PRKG1: variants seen among roughly 807,000 people sequenced by gnomAD.
PRKG1 encodes the protein cGMP-dependent protein kinase 1.
A neutral mutation model predicts 88.1 loss-of-function variants in PRKG1; 35 were observed. The ratio of observed to expected loss-of-function variants is 0.40; its 90% CI spans 0.30 to 0.53. The LOEUF is 0.53. PRKG1 is among the 20% of genes least tolerant of loss of function. PRKG1 has a pLI of 0.59. For missense variants in PRKG1, 540 were observed against 839.8 expected, an observed-to-expected ratio of 0.64 and a Z score of 4.41; for synonymous variants, 303 against 292.5, an observed-to-expected ratio of 1.04 and a Z score of -0.37.
chr10:51,718,253 G>T (rs765451586), intron 3 of PRKG1, among the ~76,000 whole-genome samples: 40 of 152,200 alleles, frequency 2.6e-4, no homozygotes, highest in Non-Finnish European at 2.5e-4. Context: ...CTTCTAAGCT[G>T]AGTACTAAAT....
chr10:51,631,323 A>C (rs1405076793), intron 3 of PRKG1, among the ~76,000 whole-genome samples: 1 of 152,196 alleles, frequency 6.6e-6, no homozygotes, highest in Non-Finnish European at 1.5e-5. Flanking sequence ...GTGCAGGGAA[A>C]GAGGCATGGA....
chr10:51,281,012 T>C (rs1840279778), intron 2 of PRKG1, among the ~76,000 whole-genome samples: 1 of 152,238 alleles, frequency 6.6e-6, no homozygotes, highest in African/African-American at 2.4e-5. Flanking sequence ...TTTTGCTCTT[T>C]GATGATTGTG....
chr10:52,281,032 T>C (rs993334231), intron 13 of PRKG1, 102 bp downstream of exon 13: 2 of 1,354,192 alleles, frequency 1.5e-6, no homozygotes, highest in African/African-American at 3.0e-5. Context: ...TCCTTTTCAA[T>C]GTTGTAACTT....
chr10:51,728,862 T>G (rs1487582016), intron 3 of PRKG1, among the ~76,000 whole-genome samples: 1 of 152,188 alleles, frequency 6.6e-6, no homozygotes, highest in African/African-American at 2.4e-5. Flanking sequence ...GATGGAAACA[T>G]TTTCCAGATC....
At chr10:51,204,488 C>T (rs1476580069) in intron 2 of PRKG1, among the ~76,000 whole-genome samples, 1 of 151,602 alleles carries the variant, frequency 6.6e-6, no homozygotes, top group Non-Finnish European at 1.5e-5. Context: ...CTCTAGTATA[C>T]TTGTTCTATG....
At chr10:52,109,770 A>ATAAG (rs1847512831) in intron 7 of PRKG1, among the ~76,000 whole-genome samples, 2 of 151,938 alleles carry the variant, frequency 1.3e-5, no homozygotes, top group African/African-American at 4.8e-5. Context: ...CTCAAAAAAA[A>ATAAG]ATCTTATCTC....
At chr10:51,166,429 ATTAAAT>A (rs1481054558) in intron 2 of PRKG1, among the ~76,000 whole-genome samples, 2 of 152,184 alleles carry the variant, frequency 1.3e-5, no homozygotes, top group Admixed American at 6.5e-5. Context: ...GTTATCAATG[ATTAAAT>A]TTAAATTTAC....
At chr10:52,063,911 C>T (rs1846295509) in intron 7 of PRKG1, among the ~76,000 whole-genome samples, 1 of 152,156 alleles carries the variant, frequency 6.6e-6, no homozygotes, top group Non-Finnish European at 1.5e-5. Flanking sequence ...CTGCTCTGCT[C>T]TGGTTAAGCC....
intron 1 of PRKG1, among the ~76,000 whole-genome samples, chr10:51,037,688 C>A (rs764252982): frequency 2.0e-5 from 3 of 151,780 alleles, no homozygotes; most frequent in Non-Finnish European, 2.9e-5. Flanking sequence ...GAGGCTGAGG[C>A]AGGTGAATAG....
intron 9 of PRKG1, among the ~76,000 whole-genome samples, chr10:52,174,491 G>C (rs557284377): frequency 6.6e-6 from 1 of 151,712 alleles, no homozygotes; most frequent in Non-Finnish European, 1.5e-5. Context: ...AGCAGGGAGA[G>C]AATTTAAGAA....
intron 1 of PRKG1, among the ~76,000 whole-genome samples, chr10:51,058,253 T>G (rs1441176632): frequency 2.6e-5 from 4 of 152,144 alleles, no homozygotes. Context: ...ACCTTTTTGC[T>G]AATTAAATAT....
intron 3 of PRKG1, among the ~76,000 whole-genome samples, chr10:51,736,247 G>T (rs1174665846): frequency 6.6e-6 from 1 of 151,554 alleles, no homozygotes; most frequent in East Asian, 1.9e-4. Context: ...GTGTCATCTG[G>T]CATTGGCTAC....
chr10:51,948,811 C>T (rs1001494978), intron 5 of PRKG1, among the ~76,000 whole-genome samples: 1 of 151,924 alleles, frequency 6.6e-6, no homozygotes, highest in African/African-American at 2.4e-5. Flanking sequence ...TATCTCTTGG[C>T]CATTTATTTG....
At chr10:51,945,688 A>G (rs1291992836) in intron 5 of PRKG1, among the ~76,000 whole-genome samples, 10 of 149,978 alleles carry the variant, frequency 6.7e-5, no homozygotes, top group Non-Finnish European at 1.0e-4. Context: ...TTGTCTGTAA[A>G]GGATTTTATT....
At chr10:51,170,437 T>TATATAC (rs1277688771) in intron 2 of PRKG1, among the ~76,000 whole-genome samples, 23 of 144,550 alleles carry the variant, frequency 1.6e-4, no homozygotes, top group Admixed American at 5.6e-4. Flanking sequence ...TGTCTGGGTA[T>TATATAC]ACACACACAC....
intron 1 of PRKG1, among the ~76,000 whole-genome samples, chr10:51,139,344 G>T (rs1349357063): frequency 6.6e-6 from 1 of 152,150 alleles, no homozygotes; most frequent in Non-Finnish European, 1.5e-5. Flanking sequence ...AATAGCCAAT[G>T]ATTTAAAAGT....
Position 51,132,889 on chromosome 10 carries a change from G to A in PRKG1, c.312-20275G>A, listed in dbSNP as rs1845605733. 1.3e-5 allele frequency among the ~76,000 whole-genome samples: 2 copies of A among 151,914 alleles called. 1 individual carries two copies. Among genetic ancestry groups the A allele is most frequent in the Admixed American group, 1.3e-4 (2 of 15,234 alleles). ...TAATTATGCCACATCATATACATAT[G>A]TCAAAACATCAGAGTGTACCCCATA... On this transcript the variant is annotated intron_variant, in intron 1 of 17. Coordinates refer to ENST00000373980, the MANE Select transcript of PRKG1 (RefSeq NM_006258.4).
At position 51,699,565 on chromosome 10, in the gene PRKG1, G is replaced by T. The variant is rs561264758; in HGVS notation, c.593-105020G>T. ...AACTCGACATGATTCCGGTTGTGCA[G>T]ACAGCCGATAGCGGATTCTTCGAGG... is the stretch of plus-strand genomic sequence containing the variant. On this transcript the variant is annotated intron_variant, in intron 3 of 17. Coordinates refer to ENST00000373980, the MANE Select transcript of PRKG1 (RefSeq NM_006258.4). 5.0e-6 allele frequency: 8 copies of T among 1,598,968 alleles called. No homozygotes were observed. The Admixed American group carries it at 1.4e-4, about 27-fold the overall frequency.
At chr10:52,057,088 C>T (rs1225169827) in intron 6 of PRKG1, among the ~76,000 whole-genome samples, 1 of 152,116 alleles carries the variant, frequency 6.6e-6, no homozygotes, top group African/African-American at 2.4e-5. Flanking sequence ...TAACCTTGGG[C>T]AAGATCTGTT....
Sources: gnomAD v4.1 joint callset for allele counts (sites outside exome capture counted in the v4.1 genomes callset) on GRCh38, gnomAD v4.1.1 for gene constraint, MANE v1.5 for transcripts, NCBI Gene and HGNC (gene_info 2026-07-23, HGNC 2026-07-21) for gene names.